The following DLGAP4 variants were observed in gnomAD, a reference collection of about 807,000 sequenced individuals.
The protein encoded by DLGAP4 is DLG associated protein 4.
A neutral mutation model predicts 86.9 loss-of-function variants in DLGAP4; 18 were observed. The ratio of observed to expected loss-of-function variants is 0.21; its 90% CI spans 0.14 to 0.31. DLGAP4 has a LOEUF of 0.31. Ranked by LOEUF, DLGAP4 falls within the 10% of genes least tolerant of loss-of-function variation. The pLI is 1.00. For synonymous variants in DLGAP4, 548 were observed against 574.3 expected, an observed-to-expected ratio of 0.95 and a Z score of 0.65; for missense variants, 1,085 against 1,362.6, an observed-to-expected ratio of 0.80 and a Z score of 3.21.
intron 2 of DLGAP4, among the ~76,000 whole-genome samples, chr20:36,427,721 T>C (rs963666310): frequency 6.6e-6 from 1 of 151,870 alleles, no homozygotes; most frequent in Non-Finnish European, 1.5e-5. Context: ...GGTGGGTGGA[T>C]CACAGAAGGT....
chr20:36,405,846 G>A (rs1241673295), intron 2 of DLGAP4, among the ~76,000 whole-genome samples: 7 of 152,170 alleles, frequency 4.6e-5, no homozygotes, highest in African/African-American at 1.7e-4. Context: ...CCTCCAGAAA[G>A]GGGAGACCAA....
chr20:36,344,708 C>T (rs2029887000), intron 1 of DLGAP4, among the ~76,000 whole-genome samples: 1 of 152,216 alleles, frequency 6.6e-6, no homozygotes, highest in Non-Finnish European at 1.5e-5. Flanking sequence ...GATTTCAGAA[C>T]CTTGGACAGC....
chr20:36,523,289 C>G (rs2037492306), intron 10 of DLGAP4, among the ~76,000 whole-genome samples: 2 of 152,060 alleles, frequency 1.3e-5, no homozygotes, highest in Non-Finnish European at 2.9e-5. Flanking sequence ...GCCACTATGC[C>G]CGGCTGATGC....
At chr20:36,522,602 A>G (rs976912092) in intron 10 of DLGAP4, among the ~76,000 whole-genome samples, 1 of 152,100 alleles carries the variant, frequency 6.6e-6, no homozygotes. Flanking sequence ...GCTCACTGCA[A>G]CCTCCGCCTC....
At chr20:36,361,858 A>T (rs970938393) in intron 1 of DLGAP4, among the ~76,000 whole-genome samples, 6 of 151,856 alleles carry the variant, frequency 4.0e-5, no homozygotes, top group Non-Finnish European at 7.4e-5. Flanking sequence ...GCATGTCTGT[A>T]GTCCCAGCTA....
intron 8 of DLGAP4, chr20:36,499,282 A>G (rs2036021928): frequency 1.2e-6 from 2 of 1,613,678 alleles, no homozygotes; most frequent in Middle Eastern, 1.7e-4. Flanking sequence ...TCGGAGGACA[A>G]CGGACCCAAA....
chr20:36,363,318 G>A (rs1555894379), intron 1 of DLGAP4, among the ~76,000 whole-genome samples: 1 of 152,240 alleles, frequency 6.6e-6, no homozygotes, highest in Non-Finnish European at 1.5e-5. Flanking sequence ...GAGGTGCAGT[G>A]AGGCCATGGG....
At chr20:36,376,630 GAGTT>G (rs1396655728) in intron 2 of DLGAP4, among the ~76,000 whole-genome samples, 6 of 152,268 alleles carry the variant, frequency 3.9e-5, no homozygotes, top group Admixed American at 2.0e-4. Context: ...GGGAGAGAGA[GAGTT>G]AGGAGGGTGA....
At chr20:36,502,455 T>C (rs1281505144) in intron 10 of DLGAP4, among the ~76,000 whole-genome samples, 20 of 152,120 alleles carry the variant, frequency 1.3e-4, no homozygotes, top group Non-Finnish European at 5.9e-5. Flanking sequence ...GCCGAAGTAA[T>C]CCTCTCACCT....
chr20:36,468,096 G>T (rs1175650268), intron 7 of DLGAP4, among the ~76,000 whole-genome samples: 1 of 152,200 alleles, frequency 6.6e-6, no homozygotes, highest in Non-Finnish European at 1.5e-5. Context: ...GATCCTGAAG[G>T]TCAGGGTGCC....
intron 1 of DLGAP4, among the ~76,000 whole-genome samples, chr20:36,317,611 G>T: frequency 1.0e-5 from 1 of 98,748 alleles, no homozygotes; most frequent in African/African-American, 3.1e-5. Flanking sequence ...ACATCACCAT[G>T]CCCAGCTAAT....
At chr20:36,386,348 G>A (rs2147456030) in intron 2 of DLGAP4, among the ~76,000 whole-genome samples, 1 of 151,858 alleles carries the variant, frequency 6.6e-6, no homozygotes, top group South Asian at 2.1e-4. Flanking sequence ...GAGCAAGCAT[G>A]TTTGCTGAAG....
intron 1 of DLGAP4, among the ~76,000 whole-genome samples, chr20:36,365,859 C>T (rs1444962826): frequency 6.6e-6 from 1 of 152,186 alleles, no homozygotes; most frequent in Non-Finnish European, 1.5e-5. Context: ...CTGGACCTCT[C>T]CTCTCAGGGC....
At chr20:36,493,456 C>G (rs1375407183) in intron 7 of DLGAP4, among the ~76,000 whole-genome samples, 1 of 152,162 alleles carries the variant, frequency 6.6e-6, no homozygotes. Flanking sequence ...AGTGAGAATC[C>G]CTCCCGCCCT....
chr20:36,494,450 T>C (rs2035795532), intron 7 of DLGAP4, among the ~76,000 whole-genome samples: 1 of 152,190 alleles, frequency 6.6e-6, no homozygotes, highest in South Asian at 2.1e-4. Context: ...TAATTGTAGA[T>C]TCACATGCAG....
At chr20:36,501,465 T>C (rs773075716) in intron 10 of DLGAP4, among the ~76,000 whole-genome samples, 3 of 152,238 alleles carry the variant, frequency 2.0e-5, no homozygotes, top group Non-Finnish European at 4.4e-5. Flanking sequence ...TCTACTTAAG[T>C]TTCTACCTAT....
At position 36,432,856 on chromosome 20, in the gene DLGAP4, G is replaced by C. The variant is rs1038260890; in HGVS notation, c.999+140G>C. The C allele has an allele frequency of 1.8e-6, 2 of 1,095,650 alleles. No homozygotes were observed. Among genetic ancestry groups the C allele is most frequent in the Admixed American group, 4.9e-5 (2 of 40,428 alleles). The allele number at this position is 1,095,650 out of a possible 1,614,324, so 67.9% of individuals were successfully genotyped here. A position where few individuals can be genotyped will look rare whatever the true frequency, so the allele number is the denominator to read the frequency against. On this transcript the variant is annotated intron_variant, in intron 3 of 12. Transcript: ENST00000339266. This position sits in a 1 kb window ranked among gnomAD's most constrained non-coding sequence, Gnocchi z 6.5. Reference sequence around the variant, plus strand: ...GCTCAGCTATAAAATGGGTGGCCTAGTGGTACCTGCTAATCAGGGAGTCCT... The same window carrying C: ...GCTCAGCTATAAAATGGGTGGCCTACTGGTACCTGCTAATCAGGGAGTCCT...
At chr20:36,466,543 A>C (rs1403895170) in intron 7 of DLGAP4, among the ~76,000 whole-genome samples, 1 of 152,154 alleles carries the variant, frequency 6.6e-6, no homozygotes, top group African/African-American at 2.4e-5. Context: ...TGTGTGGTGT[A>C]AATCTCTCTC....
chr20:36,440,636 C>A (rs544275731), intron 5 of DLGAP4, among the ~76,000 whole-genome samples: 1 of 152,134 alleles, frequency 6.6e-6, no homozygotes, highest in South Asian at 2.1e-4. Context: ...TAGGAGAAGA[C>A]AAAGTTGGGC....
Sources: gnomAD v4.1 joint callset for allele counts (sites outside exome capture counted in the v4.1 genomes callset) on GRCh38, gnomAD v4.1.1 for gene constraint, Gnocchi (gnomAD v3.1) non-coding constraint, MANE v1.5 for transcripts, NCBI Gene and HGNC (gene_info 2026-07-23, HGNC 2026-07-21) for gene names.